DYNC2LI1: variants seen among roughly 807,000 people sequenced by gnomAD.
DYNC2LI1 encodes the protein dynein cytoplasmic 2 light intermediate chain 1, also known as cytoplasmic dynein 2 light intermediate chain 1.
Under a neutral mutation model 51.9 loss-of-function variants are expected in DYNC2LI1, and 45 were observed. The ratio of observed to expected loss-of-function variants is 0.87; its 90% confidence interval spans 0.68 to 1.11. The LOEUF (loss-of-function observed/expected upper bound fraction) is 1.11, where lower values mean the gene tolerates loss of function less well. Among genes scored for constraint, DYNC2LI1 ranks in the 50% most tolerant of loss-of-function variants. The pLI, the probability that DYNC2LI1 is intolerant of heterozygous loss-of-function variation, is 0.00. For missense variants in DYNC2LI1, 490 were observed against 417.4 expected, an observed-to-expected ratio of 1.17 and a Z score of -1.51; for synonymous variants, 130 against 137.8, an observed-to-expected ratio of 0.94 and a Z score of 0.40.
chr2:43,811,775 T>C (rs1037342078), downstream of DYNC2LI1, among the ~76,000 whole-genome samples: 5 of 152,096 alleles, frequency 3.3e-5, no homozygotes, highest in African/African-American at 1.2e-4. Context: ...TTGTATTTTT[T>C]AGTAGAGACG....
At position 43,801,699 on chromosome 2, in the gene DYNC2LI1, C is replaced by A; in HGVS notation, c.792C>A (p.Phe264Leu). The A allele has an allele frequency of 1.2e-6, 2 of 1,608,146 alleles. No individual in the cohort carries two copies. Among genetic ancestry groups the A allele is most frequent in the Non-Finnish European group, 1.7e-6 (2 of 1,176,732 alleles). The part of the protein sequence containing the change: ...PLFITAGLDS[F>L]GQIGSPPVPE... Reference sequence around the variant, plus strand: ...TTATCACAGCAGGATTGGATTCTTTCGGTCAAATAGGTTAGTGAACTTATT... The same window carrying A: ...TTATCACAGCAGGATTGGATTCTTTAGGTCAAATAGGTTAGTGAACTTATT... The change falls in exon 10 of 13, where the codon TTC (phenylalanine) becomes TTA (leucine). Residue 264 changes from phenylalanine (F) to leucine (L), a missense_variant. Coordinates refer to ENST00000260605, the MANE Select transcript of DYNC2LI1 (RefSeq NM_016008.4).
chr2:43,801,574 A>C, intron 9 of DYNC2LI1, 65 bp from the exon 10 acceptor site: 1 of 1,196,770 alleles, frequency 8.4e-7, no homozygotes, highest in Non-Finnish European at 1.2e-6. Flanking sequence ...TGTCATATTT[A>C]CAGGAGAGCG....
At chr2:43,824,780 AAAAC>A in the DYNC2LI1 span, 1 of 1,546,208 alleles carries the variant, frequency 6.5e-7, no homozygotes, top group Non-Finnish European at 8.8e-7. Context: ...ATAAAACACA[AAAAC>A]AAAAGCAAAA....
chr2:43,816,329 G>C, the DYNC2LI1 span, among the ~76,000 whole-genome samples: 1 of 152,198 alleles, frequency 6.6e-6, no homozygotes, highest in African/African-American at 2.4e-5. Context: ...GGAAGACCGT[G>C]ACAGGAAGTA....
Position 43,776,849 on chromosome 2 carries a change from G to A in DYNC2LI1, c.76G>A (p.Gly26Arg), listed in dbSNP as rs1442398423. Residue 26 changes from glycine to arginine, a missense_variant, in exon 2 of 13, where the codon GGA becomes AGA. By Grantham distance (125) the Gly-to-Arg change is moderately radical. Transcript: ENST00000260605. Reference protein sequence around the residue: ...KRGINGSEGDGAEIAEKFVFF... With the variant: ...KRGINGSEGDRAEIAEKFVFF... The stretch of plus-strand genomic sequence containing the variant: ...GGGAATTAATGGAAGTGAAGGTGAT[G>A]GAGCTGAAATTGCAGAAAAATTTGT... 3.1e-6 allele frequency: 5 copies of A among 1,603,568 alleles called. No homozygotes were observed. Among genetic ancestry groups the A allele is most frequent in the Admixed American group, 1.7e-5 (1 of 58,432 alleles).
At chr2:43,785,078 G>C (rs1276156987) in intron 3 of DYNC2LI1, among the ~76,000 whole-genome samples, 1 of 151,602 alleles carries the variant, frequency 6.6e-6, no homozygotes, top group African/African-American at 2.4e-5. Flanking sequence ...CAGGCGGATC[G>C]CTTGAACTCA....
chr2:43,824,350 G>A, the DYNC2LI1 span: 5 of 1,613,990 alleles, frequency 3.1e-6, no homozygotes, highest in East Asian at 2.2e-5. Flanking sequence ...CTGATTTCTT[G>A]TAGGCAGATT....
downstream of DYNC2LI1, among the ~76,000 whole-genome samples, chr2:43,810,753 A>G (rs183064172): frequency 2.6e-5 from 4 of 152,308 alleles, no homozygotes; most frequent in African/African-American, 4.8e-5. Context: ...CATGTTTCCA[A>G]GGAACCTCAG....
intron 2 of DYNC2LI1, among the ~76,000 whole-genome samples, chr2:43,781,086 G>T (rs914186340): frequency 2.6e-5 from 4 of 152,062 alleles, no homozygotes; most frequent in African/African-American, 4.8e-5. Flanking sequence ...GTGATTTAAG[G>T]CCAGGCGTGG....
chr2:43,787,052 C>A (rs750196334), intron 3 of DYNC2LI1, 129 bp from the exon 4 acceptor site: 4 of 615,438 alleles, frequency 6.5e-6, no homozygotes, highest in Non-Finnish European at 1.1e-5. Flanking sequence ...TTTATTTCAA[C>A]GCTATTATAC....
At chr2:43,781,330 G>C (rs1433369674) in intron 2 of DYNC2LI1, among the ~76,000 whole-genome samples, 1 of 151,350 alleles carries the variant, frequency 6.6e-6, no homozygotes, top group Admixed American at 6.6e-5. Context: ...TGGTGCCACT[G>C]CACTCCAGCC....
At chr2:43,810,618 T>A, downstream of DYNC2LI1, 1 of 669,032 alleles carries the variant, frequency 1.5e-6, no homozygotes, top group Non-Finnish European at 1.8e-6. Context: ...GATAAGCACA[T>A]TTACTACCCC....
intron 12 of DYNC2LI1, among the ~76,000 whole-genome samples, chr2:43,808,811 G>C (rs368210242): frequency 6.6e-6 from 1 of 152,138 alleles, no homozygotes; most frequent in African/African-American, 2.4e-5. Flanking sequence ...GTGAATGAAC[G>C]CTAATTATTT....
chr2:43,802,893 C>A (rs4952680), intron 10 of DYNC2LI1, among the ~76,000 whole-genome samples: 64,628 of 152,014 alleles, frequency 0.43, 15,629 homozygotes, highest in African/African-American at 0.66. Context: ...AGGACATAAA[C>A]ATAGCAAAGC....
chr2:43,790,129 G>A (rs775208066), intron 5 of DYNC2LI1, among the ~76,000 whole-genome samples: 2 of 152,124 alleles, frequency 1.3e-5, no homozygotes, highest in Non-Finnish European at 2.9e-5. Context: ...TGAATTTAGT[G>A]CTAATTAATA....
At chr2:43,825,725 G>A in the DYNC2LI1 span, among the ~76,000 whole-genome samples, 2 of 151,748 alleles carry the variant, frequency 1.3e-5, no homozygotes, top group African/African-American at 4.8e-5. Flanking sequence ...TCCTGCCTCA[G>A]CTTCCCGAAT....
rs1673953605 is a variant in DYNC2LI1, at chr2:43,794,662, T to TA, written c.507+19_507+20insA. The stretch of plus-strand genomic sequence containing the variant: ...TCATCCTGTGAGTTGCTGTTTGGGA[T>TA]TATTACTGGAATCCTTAGTCCCATT... On this transcript the variant is annotated intron_variant, in intron 6 of 12. Transcript: ENST00000260605. The TA allele has an allele frequency of 1.2e-6, 2 of 1,613,954 alleles. No homozygotes were observed. The highest frequency in any genetic ancestry group is 1.7e-6 in the Non-Finnish European group (2 of 1,179,984).
At chr2:43,813,329 C>A (rs753814411), downstream of DYNC2LI1, 4 of 1,557,474 alleles carry the variant, frequency 2.6e-6, no homozygotes, top group South Asian at 4.5e-5. Context: ...AAAAGATTGA[C>A]AGTGTCAGGT....
At chr2:43,816,283 G>A in the DYNC2LI1 span, among the ~76,000 whole-genome samples, 1 of 152,192 alleles carries the variant, frequency 6.6e-6, no homozygotes, top group East Asian at 1.9e-4. Flanking sequence ...AGACACAGCT[G>A]CTGCCTTCAA....
Sources: gnomAD v4.1 joint callset for allele counts (sites outside exome capture counted in the v4.1 genomes callset) on GRCh38, gnomAD v4.1.1 for gene constraint, MANE v1.5 for transcripts, NCBI Gene and HGNC (gene_info 2026-07-23, HGNC 2026-07-21) for gene names.